The following MACROD2 variants were observed in gnomAD, a reference collection of about 807,000 sequenced individuals.
The protein encoded by MACROD2 is ADP-ribose glycohydrolase MACROD2.
A neutral mutation model predicts 70.4 loss-of-function variants in MACROD2; 36 were observed. That is an observed-to-expected ratio of 0.51 (90% CI 0.39 to 0.68). The LOEUF is 0.68. Ranked by LOEUF, MACROD2 falls within the 30% of genes least tolerant of loss-of-function variation. MACROD2 has a pLI of 0.00. For missense variants in MACROD2, 496 were observed against 538.4 expected, an observed-to-expected ratio of 0.92 and a Z score of 0.78; for synonymous variants, 172 against 178.8, an observed-to-expected ratio of 0.96 and a Z score of 0.30.
chr20:14,251,442 A>G (rs2082011471), intron 3 of MACROD2, among the ~76,000 whole-genome samples: 2 of 152,116 alleles, frequency 1.3e-5, no homozygotes, highest in South Asian at 2.1e-4. Flanking sequence ...ATATCTGAGT[A>G]AGATTTAACT....
intron 3 of MACROD2, among the ~76,000 whole-genome samples, chr20:14,441,925 A>G (rs923444608): frequency 6.6e-6 from 1 of 151,850 alleles, no homozygotes; most frequent in Admixed American, 6.6e-5. Context: ...AAAGTCACAT[A>G]ATGAAGCAGT....
intron 3 of MACROD2, among the ~76,000 whole-genome samples, chr20:14,236,603 T>A (rs2081874378): frequency 6.6e-6 from 1 of 152,134 alleles, no homozygotes; most frequent in Non-Finnish European, 1.5e-5. Flanking sequence ...GGTTTTTTGC[T>A]TAATATATTT....
In MACROD2 at chr20:15,980,000, T is replaced by A. The variant is rs541877606; in HGVS notation, c.986-6727T>A. 8.5e-5 allele frequency among the ~76,000 whole-genome samples: 13 copies of A among 152,242 alleles called. No individual in the cohort carries two copies. The East Asian group carries it at 2.5e-3, about 29-fold the overall frequency. On this transcript the variant is annotated intron_variant, in intron 13 of 17. Coordinates refer to ENST00000684519, the MANE Select transcript of MACROD2 (RefSeq NM_001351661.2). Reference sequence around the variant, plus strand: ...CCCCGAATGCACAATTTCTGTCCCTTTTAAGGGCTCACAACACTAAAGATT... The same window carrying A: ...CCCCGAATGCACAATTTCTGTCCCTATTAAGGGCTCACAACACTAAAGATT...
chr20:14,734,247 C>T (rs1226621170), intron 5 of MACROD2, among the ~76,000 whole-genome samples: 1 of 151,898 alleles, frequency 6.6e-6, no homozygotes, highest in Non-Finnish European at 1.5e-5. Flanking sequence ...ACCTGTAATC[C>T]CAGCACTTTG....
intron 8 of MACROD2, among the ~76,000 whole-genome samples, chr20:15,514,239 A>T (rs1369404397): frequency 6.6e-6 from 1 of 152,240 alleles, no homozygotes; most frequent in Non-Finnish European, 1.5e-5. Flanking sequence ...AAAGTCCACA[A>T]CAGTGTACAG....
At chr20:14,347,629 G>T (rs1486489979) in intron 3 of MACROD2, among the ~76,000 whole-genome samples, 1 of 152,044 alleles carries the variant, frequency 6.6e-6, no homozygotes, top group Non-Finnish European at 1.5e-5. Flanking sequence ...TCCAAAAGCT[G>T]CCACTTTTAA....
chr20:14,615,355 C>T (rs915129236), intron 4 of MACROD2, among the ~76,000 whole-genome samples: 13 of 152,080 alleles, frequency 8.5e-5, no homozygotes, highest in Non-Finnish European at 1.9e-4. Context: ...GGAGTGTCAC[C>T]GCGTCCATCA....
intron 13 of MACROD2, among the ~76,000 whole-genome samples, chr20:15,968,881 G>A (rs2147413287): frequency 7.0e-6 from 1 of 142,968 alleles, no homozygotes; most frequent in South Asian, 2.2e-4. Context: ...ACTGTTTAAA[G>A]GCATCAGTGA....
chr20:15,671,508 A>G (rs921324896), intron 8 of MACROD2, among the ~76,000 whole-genome samples: 1 of 152,186 alleles, frequency 6.6e-6, no homozygotes, highest in South Asian at 2.1e-4. Flanking sequence ...TGAACATCAT[A>G]AAGAACGTGA....
At chr20:14,586,519 GA>G (rs1981390555) in intron 4 of MACROD2, among the ~76,000 whole-genome samples, 1 of 152,020 alleles carries the variant, frequency 6.6e-6, no homozygotes, top group South Asian at 2.1e-4. Context: ...AAGACGAAGA[GA>G]AATGGTTATT....
chr20:14,211,783 C>T (rs1369332131), intron 3 of MACROD2, among the ~76,000 whole-genome samples: 1 of 152,182 alleles, frequency 6.6e-6, no homozygotes, highest in Non-Finnish European at 1.5e-5. Flanking sequence ...TACCACCCCT[C>T]ACAAGGCCTC....
At chr20:14,190,852 C>T (rs1011253616) in intron 3 of MACROD2, among the ~76,000 whole-genome samples, 4 of 149,968 alleles carry the variant, frequency 2.7e-5, no homozygotes, top group Admixed American at 1.3e-4. Context: ...GGACTATAGG[C>T]GCCCGCCACT....
chr20:14,137,491 A>T (rs1332073446), intron 3 of MACROD2, among the ~76,000 whole-genome samples: 1 of 152,164 alleles, frequency 6.6e-6, no homozygotes, highest in Admixed American at 6.5e-5. Flanking sequence ...GAGGTGATTA[A>T]CTATTGTTTG....
intron 5 of MACROD2, among the ~76,000 whole-genome samples, chr20:14,796,804 A>G (rs867502459): frequency 6.6e-6 from 1 of 151,966 alleles, no homozygotes. Context: ...AACTTTTCTT[A>G]TTTTAAATCT....
chr20:14,187,791 C>T (rs894756303), intron 3 of MACROD2, among the ~76,000 whole-genome samples: 3 of 152,156 alleles, frequency 2.0e-5, no homozygotes, highest in Admixed American at 6.5e-5. Flanking sequence ...CTCAGCCTAT[C>T]TGTTGGGATA....
intron 8 of MACROD2, among the ~76,000 whole-genome samples, chr20:15,600,479 C>G (rs2048804004): frequency 6.6e-6 from 1 of 152,108 alleles, no homozygotes; most frequent in South Asian, 2.1e-4. Context: ...GAAGAAAAGT[C>G]CTTCATATCT....
At chr20:15,757,162 CCAAAA>C (rs2051360255) in intron 8 of MACROD2, among the ~76,000 whole-genome samples, 1 of 152,016 alleles carries the variant, frequency 6.6e-6, no homozygotes, top group Non-Finnish European at 1.5e-5. Flanking sequence ...GAAAGTAAAA[CCAAAA>C]CAAAACAAAA....
At chr20:15,601,525 G>A (rs1349188801) in intron 8 of MACROD2, among the ~76,000 whole-genome samples, 1 of 152,158 alleles carries the variant, frequency 6.6e-6, no homozygotes, top group African/African-American at 2.4e-5. Flanking sequence ...TGATTTAATA[G>A]ATGTTTATTG....
At chr20:15,489,526 C>T (rs2047201569) in intron 7 of MACROD2, among the ~76,000 whole-genome samples, 1 of 152,122 alleles carries the variant, frequency 6.6e-6, no homozygotes, top group Non-Finnish European at 1.5e-5. Flanking sequence ...ATTCCTTGGG[C>T]CCCACACACA....
Sources: allele counts gnomAD v4.1 joint callset (sites outside exome capture counted in the v4.1 genomes callset), GRCh38; gene constraint gnomAD v4.1.1; transcripts MANE v1.5; gene names NCBI Gene and HGNC (gene_info 2026-07-23, HGNC 2026-07-21).